The following GPATCH8 variants were observed in gnomAD, a reference collection of about 807,000 sequenced individuals.
GPATCH8 encodes G patch domain-containing protein 8.
Under a neutral mutation model 118.3 loss-of-function variants are expected in GPATCH8, and 18 were observed. The observed-to-expected ratio is 0.15, with a 90% confidence interval of 0.11 to 0.23. The LOEUF (loss-of-function observed/expected upper bound fraction) is 0.23, where lower values mean the gene tolerates loss of function less well. Ranked by LOEUF, GPATCH8 falls within the 10% of genes least tolerant of loss-of-function variation. The pLI is 1.00. For missense variants in GPATCH8, 1,631 were observed against 1,873.8 expected, an observed-to-expected ratio of 0.87 and a Z score of 2.39; for synonymous variants, 659 against 684.7, an observed-to-expected ratio of 0.96 and a Z score of 0.59.
At position 44,400,809 on chromosome 17, in the gene GPATCH8, T is replaced by C; in HGVS notation, c.1268A>G (p.Asp423Gly). The C allele has an allele frequency of 6.2e-7, 1 of 1,614,148 alleles. No homozygotes were observed. The highest frequency in any genetic ancestry group is 8.5e-7 in the Non-Finnish European group (1 of 1,179,954). The change falls in exon 8 of 8, where the codon GAT becomes GGT. Residue 423 changes from aspartate to glycine, a missense_variant. Transcript: ENST00000591680. ...FMRASEQMDG[D>G]NTTHPKNAPE... ...GGCATTCTTTGGGTGTGTAGTATTA[T>C]CACCATCCATTTGTTCACTGGCTCT...
Position 44,396,157 on chromosome 17 carries a change from A to T in GPATCH8, c.*1411T>A. 2.2e-6 allele frequency: 1 copy of T among 454,474 alleles called. No homozygotes were observed. The highest frequency in any genetic ancestry group is 1.6e-5 in the South Asian group (1 of 64,472). 28.2% of individuals were successfully genotyped at this position (454,474 alleles called of 1,614,324 possible). A position where few individuals can be genotyped will look rare whatever the true frequency, so the allele number is the denominator to read the frequency against. ...ACCCAAAAGGCACATTAAAAAAAAA[A>T]TTGTCAGAGGGGGCTAAGTACTAGG... On this transcript the variant is annotated 3_prime_UTR_variant, in exon 8 of 8. Coordinates refer to ENST00000591680, the MANE Select transcript of GPATCH8 (RefSeq NM_001002909.4).
rs922288864 is a variant in GPATCH8, at chr17:44,433,920, C to T, written c.348+1145G>A. 1.1e-3 allele frequency among the ~76,000 whole-genome samples: 169 copies of T among 152,110 alleles called. 1 individual carries two copies. Among genetic ancestry groups the T allele is most frequent in the African/African-American group, 3.8e-3 (157 of 41,488 alleles). ...TTGGGAGGCCGAGGTGGGCAGATCACGTGAGGTAAGGAGTTCGAGACCAGC... is the reference window on the plus strand; with the variant it reads ...TTGGGAGGCCGAGGTGGGCAGATCATGTGAGGTAAGGAGTTCGAGACCAGC... On this transcript the variant is annotated intron_variant, in intron 5 of 7. Coordinates refer to ENST00000591680, the MANE Select transcript of GPATCH8 (RefSeq NM_001002909.4).
At chr17:44,420,826 T>C (rs921042271) in intron 6 of GPATCH8, among the ~76,000 whole-genome samples, 2 of 152,118 alleles carry the variant, frequency 1.3e-5, no homozygotes, top group Admixed American at 6.5e-5. Flanking sequence ...AGTCTATACA[T>C]TATTGAAGTT....
In GPATCH8 at chr17:44,400,085, G is replaced by T. The variant is rs2048956094; in HGVS notation, c.1992C>A (p.Ser664Arg). The change falls in exon 8 of 8, where the codon AGC (serine) becomes AGA (arginine). Residue 664 changes from serine (S) to arginine (R), a missense_variant. Coordinates refer to ENST00000591680, the MANE Select transcript of GPATCH8 (RefSeq NM_001002909.4). ...ETEDTGRSLPSKKERSGKSHR... is the reference protein window; with the variant it reads ...ETEDTGRSLPRKKERSGKSHR... ...GGGACTTCCCAGATCGTTCTTTCTT[G>T]CTGGGAAGGCTTCTCCCTGTGTCTT... 1 of 1,613,202 alleles carries T rather than the reference G, an allele frequency of 6.2e-7. No individual in the cohort carries two copies. The highest frequency in any genetic ancestry group is 1.3e-5 in the African/African-American group (1 of 74,674).
At chr17:44,480,050 G>GA (rs748185778) in intron 1 of GPATCH8, among the ~76,000 whole-genome samples, 3 of 151,332 alleles carry the variant, frequency 2.0e-5, no homozygotes, top group Non-Finnish European at 4.4e-5. Context: ...AGAAACCAAT[G>GA]AATGCTGAAC....
chr17:44,476,534 T>C (rs532997134), intron 1 of GPATCH8, among the ~76,000 whole-genome samples: 1 of 152,312 alleles, frequency 6.6e-6, no homozygotes, highest in Non-Finnish European at 1.5e-5. Flanking sequence ...CAATATTGCA[T>C]TAAATCTTTA....
At chr17:44,490,409 G>C (rs934717362) in intron 1 of GPATCH8, among the ~76,000 whole-genome samples, 1 of 152,054 alleles carries the variant, frequency 6.6e-6, no homozygotes, top group Non-Finnish European at 1.5e-5. Flanking sequence ...AAAATTCATA[G>C]GTCCTATATT....
At chr17:44,430,944 C>T (rs2050288996) in intron 5 of GPATCH8, among the ~76,000 whole-genome samples, 1 of 151,814 alleles carries the variant, frequency 6.6e-6, no homozygotes, top group East Asian at 1.9e-4. Flanking sequence ...AGCCACCGCA[C>T]TGGCCACAGT....
In GPATCH8 at chr17:44,398,633, T is replaced by C; in HGVS notation, c.3444A>G (p.Ile1148Met). 1 of 1,547,686 alleles carries C rather than the reference T, an allele frequency of 6.5e-7. No homozygotes were observed. Among genetic ancestry groups the C allele is most frequent in the Non-Finnish European group, 8.7e-7 (1 of 1,149,742 alleles). Reference protein sequence around the residue: ...SLGNKPVLPLIGKLPATRKPN... With the variant: ...SLGNKPVLPLMGKLPATRKPN... ...GCTTTCGGGTAGCTGGGAGCTTCCCTATCAGTGGAAGGACAGGCTTATTGC... is the reference window on the plus strand; with the variant it reads ...GCTTTCGGGTAGCTGGGAGCTTCCCCATCAGTGGAAGGACAGGCTTATTGC... The change falls in exon 8 of 8, where the codon ATA becomes ATG. Residue 1148 changes from isoleucine (I) to methionine (M), a missense_variant. Ile to Met is a conservative substitution (Grantham distance 10). Around this residue, in one of 8 missense-constraint regions of GPATCH8, gnomAD observed 922 missense variants for 879.7 expected, o/e 1.05. Transcript: ENST00000591680.
intron 3 of GPATCH8, among the ~76,000 whole-genome samples, chr17:44,438,200 G>T (rs1207715285): frequency 1.3e-5 from 2 of 152,120 alleles, no homozygotes; most frequent in African/African-American, 4.8e-5. Flanking sequence ...TCCAATGAAT[G>T]AATTAAAAAG....
intron 3 of GPATCH8, among the ~76,000 whole-genome samples, chr17:44,450,946 G>A (rs2051090845): frequency 6.6e-6 from 1 of 152,074 alleles, no homozygotes; most frequent in Non-Finnish European, 1.5e-5. Context: ...AACTTAAATT[G>A]CTCAATTCTC....
intron 6 of GPATCH8, among the ~76,000 whole-genome samples, chr17:44,423,092 T>C (rs1274678846): frequency 6.6e-6 from 1 of 151,752 alleles, no homozygotes; most frequent in Non-Finnish European, 1.5e-5. Context: ...AATACAAAAA[T>C]TAGCTGGGCA....
At chr17:44,429,530 G>A (rs2050215653) in intron 5 of GPATCH8, among the ~76,000 whole-genome samples, 1 of 151,806 alleles carries the variant, frequency 6.6e-6, no homozygotes, top group Admixed American at 6.6e-5. Flanking sequence ...TGTAAAACTA[G>A]GCCACGTGGT....
chr17:44,462,831 A>G (rs2051609663), intron 3 of GPATCH8, among the ~76,000 whole-genome samples: 2 of 151,838 alleles, frequency 1.3e-5, no homozygotes, highest in African/African-American at 2.4e-5. Context: ...AATACAAATA[A>G]TTAGCTGGGC....
At chr17:44,448,197 T>A (rs935884959) in intron 3 of GPATCH8, among the ~76,000 whole-genome samples, 2 of 152,150 alleles carry the variant, frequency 1.3e-5, no homozygotes, top group Non-Finnish European at 2.9e-5. Flanking sequence ...ATGTTTTACA[T>A]ACAATTTGAT....
At chr17:44,421,049 A>G (rs112631799) in intron 6 of GPATCH8, among the ~76,000 whole-genome samples, 8 of 152,122 alleles carry the variant, frequency 5.3e-5, no homozygotes, top group African/African-American at 1.9e-4. Flanking sequence ...ACGGGGTTTC[A>G]CCAAGTTGGA....
Position 44,489,190 on chromosome 17 carries a change from G to A in GPATCH8, c.45+14136C>T, listed in dbSNP as rs141326300. ...AAATGTGCTTGCATGCTACCCTTTG[G>A]GAAAGTTAAGAGTGCATAATGCTTA... On this transcript the variant is annotated intron_variant, in intron 1 of 7. Coordinates refer to ENST00000591680, the MANE Select transcript of GPATCH8 (RefSeq NM_001002909.4). Among the ~76,000 whole-genome samples the A allele has an allele frequency of 2.3e-3, 356 of 152,100 alleles. 1 individual carries two copies. The highest frequency in any genetic ancestry group is 3.2e-3 in the Non-Finnish European group (216 of 67,986).
At chr17:44,416,076 C>G (rs1236023754) in intron 6 of GPATCH8, among the ~76,000 whole-genome samples, 1 of 152,184 alleles carries the variant, frequency 6.6e-6, no homozygotes, top group Non-Finnish European at 1.5e-5. Context: ...TATATTGGCT[C>G]ACTGCAACCT....
At chr17:44,467,337 G>GA in intron 2 of GPATCH8, 2 of 237,086 alleles carry the variant, frequency 8.4e-6, no homozygotes, top group Admixed American at 8.7e-5. Flanking sequence ...AAGGGAGAGG[G>GA]AGAAAAAAAA....
Sources: allele counts gnomAD v4.1 joint callset (sites outside exome capture counted in the v4.1 genomes callset), GRCh38; gene constraint gnomAD v4.1.1; regional missense constraint gnomAD v4.1.1; transcripts MANE v1.5; gene names NCBI Gene and HGNC (gene_info 2026-07-23, HGNC 2026-07-21).